The following GRM7 variants were observed in gnomAD, a reference collection of about 807,000 sequenced individuals.
GRM7 encodes the protein glutamate metabotropic receptor 7.
A neutral mutation model predicts 84.5 loss-of-function variants in GRM7; 35 were observed. The observed-to-expected ratio is 0.41, with a 90% CI of 0.32 to 0.55. The LOEUF is 0.55. GRM7 is among the 20% of genes least tolerant of loss of function. The pLI, the probability that GRM7 is intolerant of heterozygous loss-of-function variation, is 0.19. For missense variants in GRM7, 1,003 were observed against 1,194.6 expected (o/e 0.84, Z 2.36); for synonymous variants, 487 against 455.1 (o/e 1.07, Z -0.89).
chr3:7,058,165 T>C (rs960659175), intron 1 of GRM7, among the ~76,000 whole-genome samples: 1 of 151,766 alleles, frequency 6.6e-6, no homozygotes, highest in Non-Finnish European at 1.5e-5. Flanking sequence ...CCATATTACA[T>C]TTTTTTTCTA....
rs182784379 is a variant in GRM7, at chr3:7,102,791, C to A, written c.520-43661C>A. 7.7e-3 allele frequency among the ~76,000 whole-genome samples: 1,167 copies of A among 151,844 alleles called. 16 individuals are homozygous for A. Among genetic ancestry groups the A allele is most frequent in the African/African-American group, 0.027 (1,104 of 41,484 alleles). On this transcript the variant is annotated intron_variant, in intron 1 of 9. Transcript: ENST00000357716. ...GAATAAAGTCTATTTATCTGCTTTTCAGTTCAATGGCCCTTTCTTTGGCTA... is the reference window on the plus strand; with the variant it reads ...GAATAAAGTCTATTTATCTGCTTTTAAGTTCAATGGCCCTTTCTTTGGCTA...
chr3:6,993,996 G>C (rs556339837), intron 1 of GRM7, among the ~76,000 whole-genome samples: 1 of 152,236 alleles, frequency 6.6e-6, no homozygotes, highest in South Asian at 2.1e-4. Context: ...GCCTAAAAGA[G>C]ATTAGAGTTG....
intron 2 of GRM7, among the ~76,000 whole-genome samples, chr3:7,281,399 C>T (rs530086457): frequency 1.8e-4 from 27 of 152,108 alleles, no homozygotes; most frequent in African/African-American, 6.0e-4. Context: ...GAGATTGTGC[C>T]TAAAATGTTA....
chr3:7,523,134 G>A (rs1239554), intron 7 of GRM7, among the ~76,000 whole-genome samples: 93,399 of 151,978 alleles, frequency 0.61, 29,750 homozygotes, highest in African/African-American at 0.79. Context: ...AGCAGGCGGA[G>A]CTAACAGAGA....
At chr3:7,503,574 A>C (rs1482992540) in intron 7 of GRM7, among the ~76,000 whole-genome samples, 1 of 152,164 alleles carries the variant, frequency 6.6e-6, no homozygotes, top group Non-Finnish European at 1.5e-5. Flanking sequence ...AGTATCTTCT[A>C]ATCATTCAGT....
At chr3:7,383,596 G>T (rs1694672536) in intron 4 of GRM7, among the ~76,000 whole-genome samples, 1 of 152,074 alleles carries the variant, frequency 6.6e-6, no homozygotes, top group Admixed American at 6.5e-5. Flanking sequence ...ACAAACTTTA[G>T]TATATAACAT....
intron 1 of GRM7, among the ~76,000 whole-genome samples, chr3:6,954,009 G>A (rs1166119450): frequency 1.3e-5 from 2 of 152,060 alleles, no homozygotes; most frequent in Non-Finnish European, 2.9e-5. Context: ...CTTGTGGATG[G>A]CGATAATATA....
chr3:7,521,570 AC>A (rs1298605145), intron 7 of GRM7, among the ~76,000 whole-genome samples: 4 of 152,078 alleles, frequency 2.6e-5, no homozygotes, highest in African/African-American at 9.7e-5. Flanking sequence ...GGACTTCCCA[AC>A]CTTTGGAACT....
intron 4 of GRM7, among the ~76,000 whole-genome samples, chr3:7,329,636 A>C (rs1163756986): frequency 1.3e-5 from 2 of 152,168 alleles, no homozygotes; most frequent in African/African-American, 4.8e-5. Flanking sequence ...ATATTTAAAA[A>C]ATTTCAACAG....
Position 6,887,959 on chromosome 3 carries a change from G to A in GRM7, c.519+26052G>A, listed in dbSNP as rs942921124. ...GAGATAGTATCTCATTGTGGTTTTG[G>A]TTTGCATTTCTCTTATGGCCAGTGA... On this transcript the variant is annotated intron_variant, in intron 1 of 9. Coordinates refer to ENST00000357716, the MANE Select transcript of GRM7 (RefSeq NM_000844.4). Among the ~76,000 whole-genome samples, 39 of 152,178 alleles carry A rather than the reference G, an allele frequency of 2.6e-4. 1 individual carries two copies. Among genetic ancestry groups the A allele is most frequent in the Admixed American group, 7.9e-4 (12 of 15,276 alleles).
At chr3:6,907,483 G>T (rs1337450696) in intron 1 of GRM7, among the ~76,000 whole-genome samples, 1 of 152,058 alleles carries the variant, frequency 6.6e-6, no homozygotes, top group East Asian at 1.9e-4. Context: ...TAAAATCAAA[G>T]AACTATAGTT....
intron 7 of GRM7, among the ~76,000 whole-genome samples, chr3:7,491,045 A>G (rs1699500251): frequency 6.6e-6 from 1 of 152,026 alleles, no homozygotes; most frequent in African/African-American, 2.4e-5. Context: ...ATATGTTTTG[A>G]TGGTTCAAAA....
chr3:7,399,893 G>T (rs1248418564), intron 4 of GRM7, among the ~76,000 whole-genome samples: 2 of 152,128 alleles, frequency 1.3e-5, no homozygotes, highest in South Asian at 4.1e-4. Context: ...AGAACCATGA[G>T]CCAAATAAGC....
chr3:7,632,047 G>T (rs180695581), intron 8 of GRM7, among the ~76,000 whole-genome samples: 5 of 152,268 alleles, frequency 3.3e-5, no homozygotes, highest in African/African-American at 9.6e-5. Flanking sequence ...CCAGAACAAA[G>T]AAAGAACAAT....
chr3:7,264,341 G>A (rs1467971823), intron 2 of GRM7, among the ~76,000 whole-genome samples: 1 of 152,126 alleles, frequency 6.6e-6, no homozygotes, highest in African/African-American at 2.4e-5. Context: ...CAAATCCTCT[G>A]GGCTCCATAC....
chr3:7,116,444 G>T (rs2125039592), intron 1 of GRM7, among the ~76,000 whole-genome samples: 1 of 152,208 alleles, frequency 6.6e-6, no homozygotes, highest in South Asian at 2.1e-4. Flanking sequence ...CTGATCAGTG[G>T]GAAAGTCACA....
chr3:7,134,409 C>T (rs1478297795), intron 1 of GRM7, among the ~76,000 whole-genome samples: 1 of 148,340 alleles, frequency 6.7e-6, no homozygotes, highest in African/African-American at 2.5e-5. Flanking sequence ...CCACTGTCGC[C>T]TGGCAAAATC....
At chr3:7,436,694 G>T (rs1287445554) in intron 5 of GRM7, among the ~76,000 whole-genome samples, 4 of 151,822 alleles carry the variant, frequency 2.6e-5, no homozygotes, top group African/African-American at 9.7e-5. Flanking sequence ...CTCTCCTGCA[G>T]TCTACAGCTA....
rs559869707 is a variant in GRM7, at chr3:7,687,785, A to T, written c.2698+7490A>T. On this transcript the variant is annotated intron_variant, in intron 9 of 9. Coordinates refer to ENST00000357716, the MANE Select transcript of GRM7 (RefSeq NM_000844.4). The stretch of plus-strand genomic sequence containing the variant: ...TAAAATCTTTCTCTCTCTCTCTTTT[A>T]TCCATTTAGTATGGTAAAACAGCAT... Among the ~76,000 whole-genome samples the T allele has an allele frequency of 3.5e-4, 53 of 152,234 alleles. 1 individual carries two copies. The South Asian group carries it at 0.011, about 31-fold the overall frequency.
Sources: gnomAD v4.1 joint callset for allele counts (sites outside exome capture counted in the v4.1 genomes callset) on GRCh38, gnomAD v4.1.1 for gene constraint, MANE v1.5 for transcripts, NCBI Gene and HGNC (gene_info 2026-07-23, HGNC 2026-07-21) for gene names.